SYBU: variants seen among roughly 807,000 people sequenced by gnomAD.
SYBU encodes the protein syntabulin, also known as GOLSYN A protein.
A neutral mutation model predicts 35.9 loss-of-function variants in SYBU; 21 were observed. The observed-to-expected ratio is 0.58, with a 90% CI of 0.41 to 0.84. The LOEUF is 0.84. Among genes scored for constraint, SYBU ranks in the 40% least tolerant of loss-of-function variants. SYBU has a pLI of 0.00. For synonymous variants in SYBU, 319 were observed against 324.3 expected (o/e 0.98, Z 0.18); for missense variants, 768 against 848.2 (o/e 0.91, Z 1.17).
At chr8:109,614,909 A>G (rs1811566288) in intron 3 of SYBU, among the ~76,000 whole-genome samples, 1 of 152,250 alleles carries the variant, frequency 6.6e-6, no homozygotes. Flanking sequence ...GGAAACAGGA[A>G]GGGCTTTCCT....
At chr8:109,587,311 C>G (rs963035231) in intron 3 of SYBU, among the ~76,000 whole-genome samples, 1 of 152,124 alleles carries the variant, frequency 6.6e-6, no homozygotes, top group African/African-American at 2.4e-5. Context: ...GCCCTGTTCA[C>G]GATACTTTCT....
chr8:109,589,353 G>A (rs1292162248), intron 3 of SYBU, among the ~76,000 whole-genome samples: 3 of 152,158 alleles, frequency 2.0e-5, no homozygotes, highest in African/African-American at 7.2e-5. Flanking sequence ...TGCTTCATGG[G>A]TTGCTTGTAA....
intron 3 of SYBU, among the ~76,000 whole-genome samples, chr8:109,607,053 C>CT (rs1826141618): frequency 6.6e-6 from 1 of 152,162 alleles, no homozygotes; most frequent in Non-Finnish European, 1.5e-5. Context: ...AGTTACCGAA[C>CT]TAAAGTTGGA....
intron 2 of SYBU, among the ~76,000 whole-genome samples, chr8:109,638,822 G>C (rs1364895729): frequency 6.6e-6 from 1 of 152,096 alleles, no homozygotes; most frequent in Non-Finnish European, 1.5e-5. Context: ...CTCATGTGCT[G>C]ATGAAATGCA....
intron 2 of SYBU, among the ~76,000 whole-genome samples, chr8:109,628,874 A>G (rs1408222266): frequency 6.6e-6 from 1 of 152,022 alleles, no homozygotes; most frequent in Non-Finnish European, 1.5e-5. Context: ...CGATGATATT[A>G]TGTAGACTAG....
chr8:109,622,202 TATCTATCTATCTATCTATCTATC>T (rs1022183790), intron 2 of SYBU, among the ~76,000 whole-genome samples: 11 of 147,430 alleles, frequency 7.5e-5, no homozygotes, highest in African/African-American at 2.8e-4. Context: ...TCTATCTATC[TATCTATCTATCTATCTATCTATC>T]ATCTATCTAT....
intron 3 of SYBU, among the ~76,000 whole-genome samples, chr8:109,602,277 T>C (rs1041853505): frequency 4.6e-5 from 7 of 152,112 alleles, no homozygotes; most frequent in African/African-American, 1.4e-4. Context: ...GATACGTATG[T>C]TTGGAAAAGC....
At chr8:109,598,357 T>C (rs1825130411) in intron 3 of SYBU, among the ~76,000 whole-genome samples, 1 of 152,244 alleles carries the variant, frequency 6.6e-6, no homozygotes. Flanking sequence ...ATTGACAATA[T>C]GTTTTTAACA....
At chr8:109,632,175 G>A (rs556678678) in intron 2 of SYBU, among the ~76,000 whole-genome samples, 16 of 152,246 alleles carry the variant, frequency 1.1e-4, no homozygotes, top group African/African-American at 3.9e-4. Flanking sequence ...TAAGCCTCCT[G>A]AATAGCTGGA....
chr8:109,633,099 T>G (rs192670932), intron 2 of SYBU, among the ~76,000 whole-genome samples: 56 of 152,366 alleles, frequency 3.7e-4, no homozygotes. Context: ...GTCTGATATA[T>G]GTGTTTGTAT....
intron 1 of SYBU, among the ~76,000 whole-genome samples, chr8:109,661,176 C>T (rs1175408531): frequency 6.6e-6 from 1 of 152,204 alleles, no homozygotes; most frequent in African/African-American, 2.4e-5. Context: ...GCCCACTCAG[C>T]AAATGCTGGA....
intron 1 of SYBU, among the ~76,000 whole-genome samples, chr8:109,686,994 A>G (rs1817532303): frequency 6.6e-6 from 1 of 152,196 alleles, no homozygotes; most frequent in Non-Finnish European, 1.5e-5. Flanking sequence ...TGAATTAAAT[A>G]TTATGATAAT....
chr8:109,671,313 C>T (rs1415963964), intron 1 of SYBU, among the ~76,000 whole-genome samples: 1 of 150,774 alleles, frequency 6.6e-6, no homozygotes, highest in African/African-American at 2.5e-5. Flanking sequence ...ATTTCATAAG[C>T]TTCTTATTCA....
chr8:109,661,729 A>G (rs1816567595), intron 1 of SYBU, among the ~76,000 whole-genome samples: 2 of 152,214 alleles, frequency 1.3e-5, no homozygotes, highest in Admixed American at 1.3e-4. Context: ...TGTATTAAAT[A>G]TTAAGGGTGT....
chr8:109,601,183 G>T (rs1825477207), intron 3 of SYBU, among the ~76,000 whole-genome samples: 1 of 152,186 alleles, frequency 6.6e-6, no homozygotes, highest in African/African-American at 2.4e-5. Flanking sequence ...GAACTCTACA[G>T]CTGCTATTTC....
At chr8:109,595,156 C>A (rs1824722398) in intron 3 of SYBU, among the ~76,000 whole-genome samples, 1 of 151,994 alleles carries the variant, frequency 6.6e-6, no homozygotes, top group Non-Finnish European at 1.5e-5. Flanking sequence ...ACATGTGAGG[C>A]CAAAATCTGG....
At chr8:109,613,513 T>A (rs954130043) in intron 3 of SYBU, among the ~76,000 whole-genome samples, 35 of 152,150 alleles carry the variant, frequency 2.3e-4, no homozygotes, top group African/African-American at 7.7e-4. Flanking sequence ...CTCTAGAGCC[T>A]AGTGGTTAGA....
chr8:109,603,352 C>A (rs1399684028), intron 3 of SYBU: 5 of 969,428 alleles, frequency 5.2e-6, no homozygotes, highest in Non-Finnish European at 6.1e-6. Context: ...ATGAAGCATA[C>A]TCACAATTGG....
intron 2 of SYBU, among the ~76,000 whole-genome samples, chr8:109,642,153 A>C (rs772025618): frequency 2.6e-5 from 4 of 152,350 alleles, no homozygotes; most frequent in Middle Eastern, 6.8e-3. Context: ...TGTCCTTTGC[A>C]GGGACATGGA....
Sources: gnomAD v4.1 joint callset for allele counts (sites outside exome capture counted in the v4.1 genomes callset) on GRCh38, gnomAD v4.1.1 for gene constraint, MANE v1.5 for transcripts, NCBI Gene and HGNC (gene_info 2026-07-23, HGNC 2026-07-21) for gene names.